The following RPTOR variants were observed in gnomAD, a reference collection of about 807,000 sequenced individuals.
RPTOR encodes regulatory-associated protein of mTOR.
In RPTOR, 21 loss-of-function variants were observed where a neutral mutation model predicts 169.9. The observed-to-expected ratio is 0.12, with a 90% CI of 0.09 to 0.18. RPTOR has a LOEUF of 0.18. Ranked by LOEUF, RPTOR falls within the 10% of genes least tolerant of loss-of-function variation. RPTOR has a pLI of 1.00. For missense variants in RPTOR, 1,133 were observed against 1,855.9 expected (o/e 0.61, Z 7.16); for synonymous variants, 732 against 753.2 (o/e 0.97, Z 0.46).
At chr17:80,953,918 C>T (rs1184062012) in intron 28 of RPTOR, among the ~76,000 whole-genome samples, 2 of 152,244 alleles carry the variant, frequency 1.3e-5, no homozygotes, top group Non-Finnish European at 2.9e-5. Flanking sequence ...CCACGGCGCT[C>T]GTGCTTCTGA....
chr17:80,940,470 T>C, intron 24 of RPTOR, 26 bp from the exon 25 acceptor site: 2 of 1,598,002 alleles, frequency 1.3e-6, no homozygotes, highest in Non-Finnish European at 1.7e-6. Context: ...TCGCTGGGCT[T>C]AACTGGGTGT....
intron 6 of RPTOR, among the ~76,000 whole-genome samples, chr17:80,768,285 A>T (rs1055526124): frequency 2.0e-5 from 3 of 152,152 alleles, no homozygotes; most frequent in African/African-American, 7.2e-5. Context: ...CGGGAGAACC[A>T]TGGAGTGCGT....
In RPTOR at chr17:80,709,417, C is replaced by T. The variant is rs116951648; in HGVS notation, c.507+1418C>T. Among the ~76,000 whole-genome samples, 12 of 152,300 alleles carry T rather than the reference C, an allele frequency of 7.9e-5. No individual in the cohort carries two copies. The East Asian group carries it at 2.1e-3, about 27-fold the overall frequency. ...CTCTGTGGAGCCCCCGGTGTGCTGG[C>T]TCTCAGGCACGGCGAATCCGGGAGA... is the stretch of plus-strand genomic sequence containing the variant. On this transcript the variant is annotated intron_variant, in intron 4 of 33. Coordinates refer to ENST00000306801, the MANE Select transcript of RPTOR (RefSeq NM_020761.3).
intron 21 of RPTOR, among the ~76,000 whole-genome samples, chr17:80,918,735 C>A (rs1475937543): frequency 6.6e-6 from 1 of 152,172 alleles, no homozygotes; most frequent in Non-Finnish European, 1.5e-5. Context: ...ATGACTCCCA[C>A]CCCCTAGGGC....
chr17:80,873,805 C>T (rs2068076395), intron 13 of RPTOR, among the ~76,000 whole-genome samples: 1 of 152,242 alleles, frequency 6.6e-6, no homozygotes, highest in Non-Finnish European at 1.5e-5. Context: ...ATCTCACTGT[C>T]AGTGCCACAT....
chr17:80,647,744 T>C (rs1325854704), intron 3 of RPTOR, among the ~76,000 whole-genome samples: 2 of 152,164 alleles, frequency 1.3e-5, no homozygotes, highest in African/African-American at 2.4e-5. Context: ...TCCTCAGTCA[T>C]GGAGCCACGT....
rs1027982139 is a variant in RPTOR, at chr17:80,743,145, C to T, written c.655-10865C>T. The T allele has an allele frequency of 3.7e-6, 3 of 806,210 alleles. No homozygotes were observed. In the African/African-American group the frequency reaches 5.6e-5, roughly 15 times the overall value. 49.9% of individuals were successfully genotyped at this position (806,210 alleles called of 1,614,324 possible). A position where few individuals can be genotyped will look rare whatever the true frequency, so the allele number is the denominator to read the frequency against. ...TACTAGTGTCTCCAGCTTTCCCTCT[C>T]CTCCTTGTTAACAGAATTGGAACCC... On this transcript the variant is annotated intron_variant, in intron 5 of 33. Transcript: ENST00000306801.
chr17:80,767,051 G>T (rs746316486), intron 6 of RPTOR, among the ~76,000 whole-genome samples: 3 of 152,134 alleles, frequency 2.0e-5, no homozygotes, highest in African/African-American at 4.8e-5. Flanking sequence ...ATGAAAGAGG[G>T]CACATCCTTA....
rs539873510 is a variant in RPTOR at position 80,663,821 on chromosome 17, C to CTGTGCG, written c.348+20022_348+20027dup. ...TGCCTTCCTCTGCTTGAGACTGGTT[C>CTGTGCG]TGTGCGTGTGCGTGTGTGCAAGCAG... On this transcript the variant is annotated intron_variant, in intron 3 of 33. Coordinates refer to ENST00000306801, the MANE Select transcript of RPTOR (RefSeq NM_020761.3). 1.1e-3 allele frequency among the ~76,000 whole-genome samples: 170 copies of CTGTGCG among 151,958 alleles called. 2 individuals carry two copies. Among genetic ancestry groups the CTGTGCG allele is most frequent in the Middle Eastern group, 6.8e-3 (2 of 294 alleles).
At chr17:80,763,838 C>A (rs929238964) in intron 6 of RPTOR, among the ~76,000 whole-genome samples, 6 of 152,130 alleles carry the variant, frequency 3.9e-5, no homozygotes, top group Non-Finnish European at 5.9e-5. Flanking sequence ...ATCTTAAAAT[C>A]CTTGGATTAA....
intron 28 of RPTOR, among the ~76,000 whole-genome samples, chr17:80,955,224 T>C (rs1349112421): frequency 6.6e-6 from 1 of 152,210 alleles, no homozygotes; most frequent in Non-Finnish European, 1.5e-5. Flanking sequence ...GCAGACGGCA[T>C]TAAGAAGCTG....
At position 80,651,145 on chromosome 17, in the gene RPTOR, G is replaced by A. The variant is rs1178216357; in HGVS notation, c.348+7335G>A. Among the ~76,000 whole-genome samples the A allele has an allele frequency of 1.3e-5, 2 of 152,208 alleles. No individual in the cohort carries two copies. The highest frequency in any genetic ancestry group is 4.8e-5 in the African/African-American group (2 of 41,458). On this transcript the variant is annotated intron_variant, in intron 3 of 33. Transcript: ENST00000306801. This position sits in a 1 kb window ranked among gnomAD's most constrained non-coding sequence, Gnocchi z 4.1. Reference sequence around the variant, plus strand: ...CTTGGGGACCGTGATACAGAGCGATGCGGAGATGGCTCTGAAGGACAGGCA... The same window carrying A: ...CTTGGGGACCGTGATACAGAGCGATACGGAGATGGCTCTGAAGGACAGGCA...
intron 1 of RPTOR, among the ~76,000 whole-genome samples, chr17:80,592,944 C>G (rs540723503): frequency 2.6e-5 from 4 of 152,170 alleles, no homozygotes; most frequent in African/African-American, 7.2e-5. Context: ...TTGACCCAGT[C>G]GTTGCATCCA....
chr17:80,701,109 G>T (rs1001166457), intron 3 of RPTOR, among the ~76,000 whole-genome samples: 1 of 152,054 alleles, frequency 6.6e-6, no homozygotes, highest in Non-Finnish European at 1.5e-5. Flanking sequence ...GGAGAGAGGG[G>T]AGCAAGCTTA....
chr17:80,749,804 C>T (rs1456151671), intron 5 of RPTOR, among the ~76,000 whole-genome samples: 2 of 152,192 alleles, frequency 1.3e-5, no homozygotes, highest in African/African-American at 2.4e-5. Flanking sequence ...CCTTGAACTC[C>T]TGAGCCCAAG....
At chr17:80,858,208 A>C in intron 13 of RPTOR, 2 of 379,200 alleles carry the variant, frequency 5.3e-6, no homozygotes, top group Non-Finnish European at 9.9e-6. Context: ...CCTGTGTCTG[A>C]CCCCCGTAAG....
At chr17:80,740,864 G>A (rs1176422904) in intron 5 of RPTOR, among the ~76,000 whole-genome samples, 1 of 152,176 alleles carries the variant, frequency 6.6e-6, no homozygotes, top group Admixed American at 6.5e-5. Flanking sequence ...AGCAAGGCAA[G>A]GATATCCATT....
intron 17 of RPTOR, among the ~76,000 whole-genome samples, chr17:80,890,211 C>A (rs978117408): frequency 6.6e-6 from 1 of 152,220 alleles, no homozygotes; most frequent in South Asian, 2.1e-4. Context: ...GGGCCCACCA[C>A]CTCGGTGCAC....
At chr17:80,923,303 G>A (rs564227418) in intron 22 of RPTOR, among the ~76,000 whole-genome samples, 187 bp from the exon 23 acceptor site, 63 of 152,310 alleles carry the variant, frequency 4.1e-4, no homozygotes, top group Middle Eastern at 6.8e-3. Flanking sequence ...GCGGGCAACC[G>A]AGCAGCATGG....
Sources: allele counts gnomAD v4.1 joint callset (sites outside exome capture counted in the v4.1 genomes callset), GRCh38; gene constraint gnomAD v4.1.1; non-coding constraint Gnocchi (gnomAD v3.1); transcripts MANE v1.5; gene names NCBI Gene and HGNC (gene_info 2026-07-23, HGNC 2026-07-21).